DOCK10: variants seen among roughly 807,000 people sequenced by gnomAD.
DOCK10 encodes the protein dedicator of cytokinesis 10.
A neutral mutation model predicts 280.1 loss-of-function variants in DOCK10; 145 were observed. The ratio of observed to expected loss-of-function variants is 0.52; its 90% CI spans 0.45 to 0.59. The LOEUF is 0.59. DOCK10 is among the 20% of genes least tolerant of loss of function. DOCK10 has a pLI of 0.00. For synonymous variants in DOCK10, 915 were observed against 942.2 expected (o/e 0.97, Z 0.53); for missense variants, 2,368 against 2,651.7 (o/e 0.89, Z 2.35).
Position 224,970,685 on chromosome 2 carries a change from T to C in DOCK10, c.124-39017A>G, listed in dbSNP as rs1410939736. On this transcript the variant is annotated intron_variant, in intron 1 of 55. Transcript: ENST00000258390. The surrounding 1 kb of genome is among the most constrained non-coding windows in gnomAD (Gnocchi z 4.6). The stretch of plus-strand genomic sequence containing the variant: ...TGTATCTCCACAGCATCTGTTCTGC[T>C]CATAGCTTTACTCTACAGATTAACT... 1.3e-5 allele frequency among the ~76,000 whole-genome samples: 2 copies of C among 152,208 alleles called. No homozygotes were observed. Among genetic ancestry groups the C allele is most frequent in the Non-Finnish European group, 2.9e-5 (2 of 68,034 alleles).
Position 224,849,559 on chromosome 2 carries a change from G to T in DOCK10, c.2183C>A (p.Ala728Asp), listed in dbSNP as rs754213306. The T allele has an allele frequency of 6.2e-7, 1 of 1,611,846 alleles. No individual in the cohort carries two copies. The highest frequency in any genetic ancestry group is 8.5e-7 in the Non-Finnish European group (1 of 1,179,100). Residue 728 changes from alanine to aspartate, a missense_variant, in exon 19 of 56, where the codon GCC becomes GAC. Ala to Asp is a moderately radical substitution (Grantham distance 126, BLOSUM62 -2). Around this residue, in one of 2 missense-constraint regions of DOCK10, gnomAD observed 1,209 missense variants for 1,250.9 expected, o/e 0.97. Transcript: ENST00000258390. Reference protein sequence around the residue: ...GKPGGPLFTSAAYTAVLHHSQ... With the variant: ...GKPGGPLFTSDAYTAVLHHSQ... ...GTGGTGCAGAACTGCTGTGTAGGCG[G>T]CTGAGGTGAAGAGGGGCCCTCCAGG...
chr2:224,964,240 A>G (rs1254534895), intron 1 of DOCK10, among the ~76,000 whole-genome samples: 1 of 152,216 alleles, frequency 6.6e-6, no homozygotes, highest in Non-Finnish European at 1.5e-5. Flanking sequence ...AGCTGCTGTA[A>G]TAATAAGGGA....
intron 1 of DOCK10, among the ~76,000 whole-genome samples, chr2:225,028,032 C>A (rs551110427): frequency 6.6e-6 from 1 of 152,308 alleles, no homozygotes; most frequent in South Asian, 2.1e-4. Context: ...AATGCACTTT[C>A]TGAGCATTTT....
intron 22 of DOCK10, among the ~76,000 whole-genome samples, chr2:224,843,782 C>T (rs535708356): frequency 5.3e-5 from 8 of 152,244 alleles, no homozygotes; most frequent in Middle Eastern, 3.4e-3. Context: ...TGCCTTGCCA[C>T]GGAAGGAATG....
At chr2:224,979,587 C>T (rs933398179) in intron 1 of DOCK10, among the ~76,000 whole-genome samples, 4 of 152,232 alleles carry the variant, frequency 2.6e-5, no homozygotes, top group Admixed American at 6.5e-5. Context: ...TTCTAACACT[C>T]CAGGCTTCTT....
At chr2:224,934,786 C>T (rs1028669224) in intron 1 of DOCK10, among the ~76,000 whole-genome samples, 3 of 152,158 alleles carry the variant, frequency 2.0e-5, no homozygotes, top group African/African-American at 4.8e-5. Context: ...AATGCACCAA[C>T]GGGGATAAGG....
At chr2:224,804,348 G>A (rs1574849205) in intron 38 of DOCK10, 135 bp from the exon 39 acceptor site, 1 of 547,296 alleles carries the variant, frequency 1.8e-6, no homozygotes, top group Non-Finnish European at 3.1e-6. Flanking sequence ...ATAAAACCCT[G>A]TTTTCTTTCG....
At chr2:225,035,879 C>CT (rs1690246621) in intron 1 of DOCK10, among the ~76,000 whole-genome samples, 1 of 151,260 alleles carries the variant, frequency 6.6e-6, no homozygotes, top group Non-Finnish European at 1.5e-5. Context: ...ATCTCTCTCT[C>CT]TCTTCTTCTT....
chr2:224,816,490 C>A, intron 30 of DOCK10, 127 bp downstream of exon 30: 1 of 664,990 alleles, frequency 1.5e-6, no homozygotes, highest in Non-Finnish European at 2.7e-6. Flanking sequence ...GGTCTGATAC[C>A]CATGTGACAG....
chr2:224,903,955 G>T (rs896060127), intron 3 of DOCK10, among the ~76,000 whole-genome samples: 5 of 152,024 alleles, frequency 3.3e-5, no homozygotes, highest in Admixed American at 2.0e-4. Flanking sequence ...TTTTTCAACT[G>T]TTTTTCCAGA....
chr2:224,908,671 GT>G (rs1477986792), intron 3 of DOCK10, among the ~76,000 whole-genome samples: 6 of 151,658 alleles, frequency 4.0e-5, no homozygotes, highest in African/African-American at 7.3e-5. Context: ...TAATTAAAAA[GT>G]TTTTTTTAGA....
intron 2 of DOCK10, among the ~76,000 whole-genome samples, chr2:224,919,437 C>A (rs1366623351): frequency 6.8e-6 from 1 of 147,050 alleles, no homozygotes; most frequent in Non-Finnish European, 1.5e-5. Flanking sequence ...ATGTGTAGGT[C>A]TGTACACATG....
chr2:224,944,084 A>G (rs1035312734), intron 1 of DOCK10, among the ~76,000 whole-genome samples: 4 of 152,192 alleles, frequency 2.6e-5, no homozygotes, highest in Non-Finnish European at 5.9e-5. Context: ...TAGAAAGCTT[A>G]GATGAATGTG....
intron 11 of DOCK10, 71 bp from the exon 12 acceptor site, chr2:224,865,158 T>A (rs1574959753): frequency 7.0e-7 from 1 of 1,424,492 alleles, no homozygotes; most frequent in East Asian, 2.3e-5. Flanking sequence ...CGTTAGTACA[T>A]CATTTAACAA....
At chr2:224,804,409 T>C (rs1421926003) in intron 38 of DOCK10, among the ~76,000 whole-genome samples, 196 bp from the exon 39 acceptor site, 4 of 151,600 alleles carry the variant, frequency 2.6e-5, no homozygotes, top group Middle Eastern at 3.2e-3. Context: ...TGTTGTCTCA[T>C]GAGAAAATGA....
intron 1 of DOCK10, among the ~76,000 whole-genome samples, chr2:224,957,187 C>T (rs1260575397): frequency 6.6e-6 from 1 of 152,036 alleles, no homozygotes; most frequent in Non-Finnish European, 1.5e-5. Flanking sequence ...GTGACAGCCA[C>T]TGAGGTCCTC....
At chr2:224,943,480 T>C (rs1703207076) in intron 1 of DOCK10, among the ~76,000 whole-genome samples, 1 of 152,186 alleles carries the variant, frequency 6.6e-6, no homozygotes, top group South Asian at 2.1e-4. Flanking sequence ...CATTTCTAAA[T>C]TTTCTTTCGA....
chr2:224,791,853 ATG>A (rs1264063875), intron 47 of DOCK10, among the ~76,000 whole-genome samples: 1 of 152,188 alleles, frequency 6.6e-6, no homozygotes, highest in African/African-American at 2.4e-5. Context: ...GGGATGAATT[ATG>A]TTTCTGAAAT....
intron 1 of DOCK10, among the ~76,000 whole-genome samples, chr2:224,994,376 A>T (rs1193259311): frequency 6.6e-6 from 1 of 152,222 alleles, no homozygotes; most frequent in African/African-American, 2.4e-5. Flanking sequence ...TAAGTGAGAT[A>T]ATATGTATAA....
Sources: gnomAD v4.1 joint callset for allele counts (sites outside exome capture counted in the v4.1 genomes callset) on GRCh38, gnomAD v4.1.1 for gene constraint, gnomAD v4.1.1 regional missense constraint, Gnocchi (gnomAD v3.1) non-coding constraint, MANE v1.5 for transcripts, NCBI Gene and HGNC (gene_info 2026-07-23, HGNC 2026-07-21) for gene names.